The following SLC13A4 variants were observed in gnomAD, a reference collection of about 807,000 sequenced individuals.
SLC13A4 encodes the protein solute carrier family 13 member 4.
Under a neutral mutation model 72.7 loss-of-function variants are expected in SLC13A4, and 28 were observed. The observed-to-expected ratio is 0.39, with a 90% CI of 0.29 to 0.53. SLC13A4 has a LOEUF of 0.53. Ranked by LOEUF, SLC13A4 falls within the 20% of genes least tolerant of loss-of-function variation. SLC13A4 has a pLI of 0.78. For missense variants in SLC13A4, 653 were observed against 788.0 expected (o/e 0.83, Z 2.05); for synonymous variants, 312 against 325.5 (o/e 0.96, Z 0.45).
intron 2 of SLC13A4, among the ~76,000 whole-genome samples, chr7:135,715,353 GTA>G (rs1271094134): frequency 1.4e-5 from 2 of 146,830 alleles, no homozygotes; most frequent in Non-Finnish European, 3.0e-5. Context: ...GTGAGCGTGT[GTA>G]TGAGTGTATG....
At chr7:135,697,666 T>G (rs1795934381) in intron 8 of SLC13A4, among the ~76,000 whole-genome samples, 1 of 152,080 alleles carries the variant, frequency 6.6e-6, no homozygotes, top group Non-Finnish European at 1.5e-5. Flanking sequence ...TGCTTAAAAT[T>G]CTTTAAAAGC....
chr7:135,708,917 ATTTTTTTTTT>A (rs59407311), intron 2 of SLC13A4, among the ~76,000 whole-genome samples: 4 of 71,460 alleles, frequency 5.6e-5, no homozygotes, highest in South Asian at 1.2e-3. Flanking sequence ...GTCTTGCTCA[ATTTTTTTTTT>A]TTTTTTTTTT....
At chr7:135,727,350 C>T in intron 1 of SLC13A4, 48 bp downstream of exon 1, 1 of 1,538,036 alleles carries the variant, frequency 6.5e-7, no homozygotes, top group Non-Finnish European at 8.8e-7. Flanking sequence ...CCCCTCTTTG[C>T]CCTCCCACTG....
intron 1 of SLC13A4, among the ~76,000 whole-genome samples, chr7:135,724,353 C>T (rs1417943992): frequency 3.3e-5 from 5 of 151,712 alleles, no homozygotes; most frequent in Non-Finnish European, 5.9e-5. Context: ...AAAATTCATC[C>T]AGGTGTGGTG....
At position 135,684,239 on chromosome 7, in the gene SLC13A4, G is replaced by A. The variant is rs1476546099; in HGVS notation, c.1631C>T (p.Pro544Leu). 6.2e-7 allele frequency: 1 copy of A among 1,608,540 alleles called. No individual in the cohort carries two copies. Among genetic ancestry groups the A allele is most frequent in the African/African-American group, 1.3e-5 (1 of 74,770 alleles). Residue 544 changes from proline to leucine, a missense_variant, in exon 15 of 16, where the codon CCC becomes CTC. Pro to Leu is a moderately conservative substitution (Grantham distance 98). Transcript: ENST00000682651. ...CSLSETLHIN[P>L]LYTLIPVTMC... ...GGTGACTGGGATCAGGGTGTAGAGG[G>A]GGTTAATGTGCAGCGTTTCAGACTA...
At chr7:135,685,493 T>G in intron 14 of SLC13A4, 29 bp downstream of exon 14, 1 of 1,605,862 alleles carries the variant, frequency 6.2e-7, no homozygotes, top group Non-Finnish European at 8.5e-7. Context: ...ACAGCCTGTC[T>G]GGATGTCTGG....
Position 135,708,253 on chromosome 7 carries a change from G to A in SLC13A4, c.229-3C>T, listed in dbSNP as rs1428500621. The A allele has an allele frequency of 1.2e-6, 2 of 1,614,148 alleles. No individual in the cohort carries two copies. Among genetic ancestry groups the A allele is most frequent in the Non-Finnish European group, 1.7e-6 (2 of 1,180,004 alleles). ...TTCTTGAAGTACTCCGCCGCCACCT[G>A]TAGGGAGGCCAGGCATGTCAGTCAC... On this transcript the variant is annotated splice_polypyrimidine_tract_variant and splice_region_variant and intron_variant, in intron 2 of 15. Coordinates refer to ENST00000682651, the MANE Select transcript of SLC13A4 (RefSeq NM_001318192.2).
chr7:135,702,615 G>T, intron 6 of SLC13A4: 1 of 491,340 alleles, frequency 2.0e-6, no homozygotes, highest in Non-Finnish European at 3.7e-6. Context: ...GCCTCAAGTG[G>T]TCCTCCTGCT....
Position 135,691,283 on chromosome 7 carries a change from G to A in SLC13A4, c.1364C>T (p.Thr455Met), listed in dbSNP as rs745309857. 18 of 1,613,760 alleles carry A rather than the reference G, an allele frequency of 1.1e-5. No individual in the cohort carries two copies. Among genetic ancestry groups the A allele is most frequent in the South Asian group, 7.7e-5 (7 of 91,008 alleles). ...EHSLGTEPII[T>M]WKDFQKTMPW... is the part of the protein sequence containing the mutation. ...CATGGTCTTCTGGAAGTCCTTCCAC[G>A]TGATGATGGGCTCGGTCCCCAGTGA... Residue 455 changes from threonine (T) to methionine (M), a missense_variant, in exon 13 of 16, where the codon ACG (threonine) becomes ATG (methionine). Physicochemically the swap from Thr to Met is moderately conservative, Grantham distance 81. Transcript: ENST00000682651.
chr7:135,704,333 C>T (rs1796114657), intron 5 of SLC13A4: 1 of 152,576 alleles, frequency 6.6e-6, no homozygotes, highest in African/African-American at 2.4e-5. Flanking sequence ...TCCAAAGACC[C>T]TGAAGGCAGT....
intron 3 of SLC13A4, chr7:135,707,494 A>G (rs1417074981): frequency 5.3e-5 from 8 of 152,246 alleles, no homozygotes; most frequent in Admixed American, 5.2e-4. Flanking sequence ...TACATAAAAT[A>G]CAGCAAGAAA....
chr7:135,721,046 T>C (rs531624844), intron 2 of SLC13A4, among the ~76,000 whole-genome samples: 1 of 152,144 alleles, frequency 6.6e-6, no homozygotes, highest in African/African-American at 2.4e-5. Flanking sequence ...ATCGTCTAAA[T>C]AGACATCCAG....
chr7:135,710,321 G>C (rs141332926), intron 2 of SLC13A4, among the ~76,000 whole-genome samples: 1 of 152,122 alleles, frequency 6.6e-6, no homozygotes, highest in Non-Finnish European at 1.5e-5. Flanking sequence ...AAATCTTCCC[G>C]GGAGGCAGAG....
chr7:135,700,653 T>G (rs1796011761), intron 7 of SLC13A4, among the ~76,000 whole-genome samples: 1 of 152,186 alleles, frequency 6.6e-6, no homozygotes, highest in South Asian at 2.1e-4. Flanking sequence ...GGATACATCC[T>G]TATTTTTTTG....
chr7:135,715,199 GTGTA>G (rs1796393214), intron 2 of SLC13A4, among the ~76,000 whole-genome samples: 2 of 151,008 alleles, frequency 1.3e-5, no homozygotes, highest in African/African-American at 4.9e-5. Flanking sequence ...GTGTGTATGA[GTGTA>G]TGTGTGCATG....
intron 8 of SLC13A4, among the ~76,000 whole-genome samples, chr7:135,697,153 C>T (rs755246722): frequency 5.8e-4 from 88 of 152,244 alleles, no homozygotes; most frequent in Non-Finnish European, 2.8e-4. Flanking sequence ...CCAAGCGTGA[C>T]GCCTGTCTGG....
At chr7:135,719,086 G>A (rs907748689) in intron 2 of SLC13A4, among the ~76,000 whole-genome samples, 6 of 152,208 alleles carry the variant, frequency 3.9e-5, no homozygotes, top group Non-Finnish European at 8.8e-5. Context: ...ATGATAAGAC[G>A]TGCTTTCTGG....
intron 13 of SLC13A4, among the ~76,000 whole-genome samples, chr7:135,688,537 G>A (rs1286427139): frequency 3.3e-5 from 5 of 152,016 alleles, no homozygotes; most frequent in South Asian, 2.1e-4. Flanking sequence ...GATTACAGGC[G>A]TGAGTCACCA....
At position 135,681,481 on chromosome 7, in the gene SLC13A4, C is replaced by T. The variant is rs1457277337; in HGVS notation, c.*82G>A. On this transcript the variant is annotated 3_prime_UTR_variant, in exon 16 of 16. Transcript: ENST00000682651. The stretch of plus-strand genomic sequence containing the variant: ...TCTGGGGTTGTGTGCTCCTGGTGGT[C>T]CTAGTGGTTTTCTTTGCCTGTGGTC... The T allele has an allele frequency of 1.3e-6, 2 of 1,542,074 alleles. No individual in the cohort carries two copies. The highest frequency in any genetic ancestry group is 2.7e-5 in the African/African-American group (2 of 73,552).
Sources: gnomAD v4.1 joint callset for allele counts (sites outside exome capture counted in the v4.1 genomes callset) on GRCh38, gnomAD v4.1.1 for gene constraint, MANE v1.5 for transcripts, NCBI Gene and HGNC (gene_info 2026-07-23, HGNC 2026-07-21) for gene names.